Variants in ABI2 observed in about 807,000 individuals in gnomAD.
ABI2 encodes the protein abl interactor 2.
In ABI2, 25 loss-of-function variants were observed where a neutral mutation model predicts 59.2. The ratio of observed to expected loss-of-function variants is 0.42; its 90% CI spans 0.31 to 0.59. The LOEUF (loss-of-function observed/expected upper bound fraction) is 0.59, where lower values mean the gene tolerates loss of function less well. Among genes scored for constraint, ABI2 ranks in the 20% least tolerant of loss-of-function variants. The pLI, the probability that ABI2 is intolerant of heterozygous loss-of-function variation, is 0.14. For missense variants in ABI2, 545 were observed against 681.8 expected (o/e 0.80, Z 2.23); for synonymous variants, 213 against 235.5 (o/e 0.90, Z 0.87).
Position 203,380,402 on chromosome 2 carries a change from C to A in ABI2, c.462+18C>A. On this transcript the variant is annotated intron_variant, in intron 3 of 11. Coordinates refer to ENST00000261018, the MANE Select transcript of ABI2 (RefSeq NM_001375670.1). ...GAGTAAAGGTAGGTATAATTTTTTT[C>A]AAGCTTTTAAAAGTAGTAACCCATA... The A allele has an allele frequency of 6.7e-7, 1 of 1,485,632 alleles. No homozygotes were observed. The highest frequency in any genetic ancestry group is 9.0e-7 in the Non-Finnish European group (1 of 1,114,268). The allele number at this position is 1,485,632 out of a possible 1,614,324, so 92.0% of individuals were successfully genotyped here.
In ABI2 at chr2:203,328,400, G is replaced by A. The variant is rs1559126386; in HGVS notation, c.-115G>A. 3 of 828,148 alleles carry A rather than the reference G, an allele frequency of 3.6e-6. No homozygotes were observed. Among genetic ancestry groups the A allele is most frequent in the Non-Finnish European group, 3.9e-6 (2 of 517,628 alleles). The allele number at this position is 828,148 out of a possible 1,614,324, so 51.3% of individuals were successfully genotyped here. A position where few individuals can be genotyped will look rare whatever the true frequency, so the allele number is the denominator to read the frequency against. On this transcript the variant is annotated 5_prime_UTR_variant, in exon 1 of 12. Transcript: ENST00000261018. ...GCTGGGGCTGTTTCTCGCTCCTTCC[G>A]AGTTACCGCCGCCGTCGCCGCCGCT...
At chr2:203,341,168 C>T (rs1254331620) in intron 1 of ABI2, among the ~76,000 whole-genome samples, 2 of 152,210 alleles carry the variant, frequency 1.3e-5, no homozygotes, top group East Asian at 1.9e-4. Flanking sequence ...GCCCCTTGCT[C>T]ACTCTCCCTT....
intron 9 of ABI2, among the ~76,000 whole-genome samples, chr2:203,404,035 G>A (rs762227710): frequency 6.6e-6 from 1 of 151,992 alleles, no homozygotes; most frequent in Non-Finnish European, 1.5e-5. Flanking sequence ...TTACAGGCGT[G>A]AGTCACCGTG....
intron 2 of ABI2, chr2:203,367,336 T>TA (rs1013015929): frequency 8.4e-5 from 17 of 203,374 alleles, no homozygotes; most frequent in South Asian, 1.8e-4. Context: ...TTTTTTTTTT[T>TA]AAAACAAATT....
rs546511305 is a variant in ABI2 at position 203,416,944 on chromosome 2, A to T, written c.1316A>T (p.Glu439Val). 6.2e-7 allele frequency: 1 copy of T among 1,613,782 alleles called. No homozygotes were observed. The highest frequency in any genetic ancestry group is 1.3e-5 in the African/African-American group (1 of 75,030). The change falls in exon 11 of 12, where the codon GAA becomes GTA. Residue 439 changes from glutamate (E) to valine (V), a missense_variant. Glu to Val is a moderately radical substitution (Grantham distance 121). Around this residue, in one of 4 missense-constraint regions of ABI2, gnomAD observed 410 missense variants for 435.6 expected, o/e 0.94. Coordinates refer to ENST00000261018, the MANE Select transcript of ABI2 (RefSeq NM_001375670.1). The part of the protein sequence containing the change: ...DTPPPPPPVE[E>V]PVFDESPPPP... ...CCACCTCCACCGCCACCTGTGGAAG[A>T]ACCAGTCTTTGATGAGTCTCCCCCA...
chr2:203,351,351 C>T (rs143620519), intron 1 of ABI2, among the ~76,000 whole-genome samples: 1,660 of 152,164 alleles, frequency 0.011, 19 homozygotes, highest in Non-Finnish European at 0.017. Flanking sequence ...ATTTTAGGAT[C>T]ATTTGTTAAT....
At chr2:203,393,593 T>C (rs188813971) in intron 5 of ABI2, among the ~76,000 whole-genome samples, 20 of 152,306 alleles carry the variant, frequency 1.3e-4, no homozygotes, top group African/African-American at 4.1e-4. Context: ...TAAGGAGACT[T>C]TGAAGGGTAG....
intron 10 of ABI2, 91 bp downstream of exon 10, chr2:203,411,462 A>G (rs934835035): frequency 4.9e-5 from 47 of 949,972 alleles, no homozygotes; most frequent in Non-Finnish European, 6.7e-5. Flanking sequence ...TCATTTGCTG[A>G]TACTTCAACA....
In ABI2 at chr2:203,359,162, A is replaced by G. The variant is rs189235203; in HGVS notation, c.118-7715A>G. On this transcript the variant is annotated intron_variant, in intron 1 of 11. Transcript: ENST00000261018. ...GTGGGGTGTGGGATGGAGAGAAGGC[A>G]TTTTGTTTTCCTTTTTAATCAAGAT... 3.9e-3 allele frequency among the ~76,000 whole-genome samples: 600 copies of G among 152,264 alleles called. 7 individuals are homozygous for G. Among genetic ancestry groups the G allele is most frequent in the African/African-American group, 0.014 (570 of 41,556 alleles).
At position 203,366,950 on chromosome 2, in the gene ABI2, T is replaced by G; in HGVS notation, c.191T>G (p.Leu64Arg). ...CAATCCTTAGCAAGTGTTGCCTATC[T>G]GATAAACACCTTGGCCAACAATGTC... The part of the protein sequence containing the change: ...TTQSLASVAY[L>R]INTLANNVLQ... Residue 64 changes from leucine to arginine, a missense_variant, in exon 2 of 12, where the codon CTG (leucine) becomes CGG (arginine). Coordinates refer to ENST00000261018, the MANE Select transcript of ABI2 (RefSeq NM_001375670.1). 1 of 1,613,724 alleles carries G rather than the reference T, an allele frequency of 6.2e-7. No homozygotes were observed. Among genetic ancestry groups the G allele is most frequent in the Non-Finnish European group, 8.5e-7 (1 of 1,179,790 alleles).
At chr2:203,330,520 T>G (rs1375005511) in intron 1 of ABI2, among the ~76,000 whole-genome samples, 1 of 152,082 alleles carries the variant, frequency 6.6e-6, no homozygotes, top group African/African-American at 2.4e-5. Context: ...TGGAGGAAAT[T>G]AATACCATGT....
intron 1 of ABI2, among the ~76,000 whole-genome samples, chr2:203,348,920 T>TTTTGTTTGTTTG (rs377359440): frequency 6.6e-6 from 1 of 151,940 alleles, no homozygotes; most frequent in Non-Finnish European, 1.5e-5. Context: ...TTTTTTTGTT[T>TTTTGTTTGTTTG]TTTGTTTGTT....
At position 203,429,410 on chromosome 2, in the gene ABI2, T is replaced by C. The variant is rs2098465117; in HGVS notation, c.*2058T>C. 6.6e-6 allele frequency: 1 copy of C among 152,256 alleles called. No individual in the cohort carries two copies. The highest frequency in any genetic ancestry group is 2.4e-5 in the African/African-American group (1 of 41,462). The allele number at this position is 152,256 out of a possible 1,614,324, so 9.4% of individuals were successfully genotyped here. A position where few individuals can be genotyped will look rare whatever the true frequency, so the allele number is the denominator to read the frequency against. On this transcript the variant is annotated 3_prime_UTR_variant, in exon 12 of 12. Transcript: ENST00000261018. ...TCCCATTATTTATTTAAACAGCTTT[T>C]TGCTGAGAAAGCTTAGTGGATTAAT...
intron 1 of ABI2, among the ~76,000 whole-genome samples, chr2:203,364,496 G>A (rs1441535050): frequency 6.6e-6 from 1 of 152,138 alleles, no homozygotes; most frequent in Non-Finnish European, 1.5e-5. Flanking sequence ...TATCCGTAGA[G>A]CAGATAAACG....
At chr2:203,385,382 C>T (rs1444678674) in intron 4 of ABI2, among the ~76,000 whole-genome samples, 3 of 151,990 alleles carry the variant, frequency 2.0e-5, no homozygotes, top group African/African-American at 4.8e-5. Flanking sequence ...CTGCCCGCCT[C>T]GGCCTCCCAA....
At chr2:203,359,913 A>T (rs185804755) in intron 1 of ABI2, among the ~76,000 whole-genome samples, 5 of 152,130 alleles carry the variant, frequency 3.3e-5, no homozygotes, top group African/African-American at 4.8e-5. Flanking sequence ...TTGGCCAGGT[A>T]TGGTGGTTCA....
intron 1 of ABI2, among the ~76,000 whole-genome samples, chr2:203,332,781 ATT>A (rs1189542978): frequency 6.6e-6 from 1 of 152,138 alleles, no homozygotes; most frequent in African/African-American, 2.4e-5. Context: ...ATAACTCCCT[ATT>A]TGTTACTTCC....
intron 2 of ABI2, among the ~76,000 whole-genome samples, chr2:203,375,425 C>T (rs1211024789): frequency 2.6e-5 from 4 of 151,982 alleles, no homozygotes; most frequent in Admixed American, 6.6e-5. Context: ...CTTAAAAAAC[C>T]CAGAATAAAT....
intron 11 of ABI2, among the ~76,000 whole-genome samples, chr2:203,418,345 C>T (rs972072271): frequency 6.6e-6 from 1 of 152,216 alleles, no homozygotes; most frequent in Admixed American, 6.5e-5. Context: ...CTCAGCTGGG[C>T]CCTCTGGTTC....
Sources: allele counts gnomAD v4.1 joint callset (sites outside exome capture counted in the v4.1 genomes callset), GRCh38; gene constraint gnomAD v4.1.1; regional missense constraint gnomAD v4.1.1; transcripts MANE v1.5; gene names NCBI Gene and HGNC (gene_info 2026-07-23, HGNC 2026-07-21).